The following HCN4 variants were observed in gnomAD, a reference collection of about 807,000 sequenced individuals.
The protein encoded by HCN4 is hyperpolarization activated cyclic nucleotide gated potassium channel 4.
A neutral mutation model predicts 76.9 loss-of-function variants in HCN4; 29 were observed. The ratio of observed to expected loss-of-function variants is 0.38; its 90% CI spans 0.28 to 0.51. The LOEUF is 0.51. Among genes scored for constraint, HCN4 ranks in the 20% least tolerant of loss-of-function variants. HCN4 has a pLI of 0.90. For synonymous variants in HCN4, 772 were observed against 762.5 expected (o/e 1.01, Z -0.21); for missense variants, 1,416 against 1,715.2 (o/e 0.83, Z 3.08).
At chr15:73,326,114 C>T (rs2042897772) in intron 4 of HCN4, among the ~76,000 whole-genome samples, 1 of 152,070 alleles carries the variant, frequency 6.6e-6, no homozygotes, top group Admixed American at 6.5e-5. Context: ...TCCTGCCCGC[C>T]CTCACTGAGA....
rs775316202 is a variant in HCN4 at position 73,332,236 on chromosome 15, G to A, written c.1266C>T (p.Ile422=). ...AGTGGCAGAGCAGGAGCATCATGCC[G>A]ATGAGGTTCACGATGCGCACCACGG... ...ASAVVRIVNL[I]GMMLLLCHWD... The change falls in exon 3 of 8, where the codon ATC becomes ATT. Residue 422 remains isoleucine (I), a synonymous_variant. Transcript: ENST00000261917. 6.2e-6 allele frequency: 10 copies of A among 1,614,134 alleles called. No homozygotes were observed. The highest frequency in any genetic ancestry group is 1.6e-4 in the Middle Eastern group (1 of 6,062).
At chr15:73,334,294 G>A (rs2042949421) in intron 2 of HCN4, among the ~76,000 whole-genome samples, 1 of 152,126 alleles carries the variant, frequency 6.6e-6, no homozygotes, top group African/African-American at 2.4e-5. Flanking sequence ...GGCTGGGCTG[G>A]GGCCTGGGTC....
Position 73,367,379 on chromosome 15 carries a change from T to A in HCN4, c.785+107A>T. The A allele has an allele frequency of 4.5e-6, 7 of 1,540,306 alleles. No homozygotes were observed. In the South Asian group the frequency reaches 6.1e-5, roughly 13 times the overall value. Reference sequence around the variant, plus strand: ...AGAGGCGCCCTGCCTCTCTTGGAGCTCCCAGCGCAAGGCAGGAAAGTTAAC... The same window carrying A: ...AGAGGCGCCCTGCCTCTCTTGGAGCACCCAGCGCAAGGCAGGAAAGTTAAC... On this transcript the variant is annotated intron_variant, in intron 1 of 7. Coordinates refer to ENST00000261917, the MANE Select transcript of HCN4 (RefSeq NM_005477.3). The surrounding 1 kb of genome is among the most constrained non-coding windows in gnomAD (Gnocchi z 7.5).
chr15:73,362,713 C>G (rs1397504904), intron 1 of HCN4, among the ~76,000 whole-genome samples: 1 of 152,162 alleles, frequency 6.6e-6, no homozygotes, highest in Non-Finnish European at 1.5e-5. Context: ...TGGAAACTCC[C>G]TATGTGAGGC....
chr15:73,346,765 G>A (rs1272408024), intron 1 of HCN4, among the ~76,000 whole-genome samples: 2 of 152,146 alleles, frequency 1.3e-5, no homozygotes, highest in East Asian at 1.9e-4. Flanking sequence ...GGGTGAGGCC[G>A]GGAAACTGCT....
intron 1 of HCN4, among the ~76,000 whole-genome samples, chr15:73,365,921 G>T (rs1020668231): frequency 1.4e-4 from 22 of 152,186 alleles, no homozygotes; most frequent in African/African-American, 5.1e-4. Context: ...ACCCATGGGG[G>T]TGGAGGAGAC....
intron 2 of HCN4, among the ~76,000 whole-genome samples, chr15:73,337,056 G>A (rs891107535): frequency 2.0e-5 from 3 of 152,156 alleles, no homozygotes; most frequent in African/African-American, 7.2e-5. Context: ...CTCAGTACTG[G>A]GCTTGCTCTT....
chr15:73,337,991 AC>A (rs1414479777), intron 2 of HCN4, among the ~76,000 whole-genome samples: 3 of 152,136 alleles, frequency 2.0e-5, no homozygotes, highest in Non-Finnish European at 4.4e-5. Context: ...GTTTTTAGAC[AC>A]CACAAAGCTG....
At chr15:73,354,329 G>A (rs1468730814) in intron 1 of HCN4, among the ~76,000 whole-genome samples, 1 of 152,204 alleles carries the variant, frequency 6.6e-6, no homozygotes. Flanking sequence ...CCCCAAGAAG[G>A]TGAGCTGTGT....
At chr15:73,344,371 T>C (rs1204965601) in intron 1 of HCN4, among the ~76,000 whole-genome samples, 1 of 152,164 alleles carries the variant, frequency 6.6e-6, no homozygotes. Flanking sequence ...CGGAAGGGCC[T>C]CCCTATTCTG....
chr15:73,352,420 G>A (rs891890896), intron 1 of HCN4, among the ~76,000 whole-genome samples: 12 of 152,200 alleles, frequency 7.9e-5, no homozygotes, highest in Admixed American at 2.6e-4. Context: ...GCCCTCGGCA[G>A]GTGGTCCCAC....
chr15:73,349,890 C>T (rs1166094001), intron 1 of HCN4, among the ~76,000 whole-genome samples: 4 of 152,324 alleles, frequency 2.6e-5, no homozygotes, highest in African/African-American at 4.8e-5. Context: ...CACAACCTCC[C>T]GTTCCACTCC....
rs531770157 is a variant in HCN4 at position 73,321,334 on chromosome 15, A to C, written c.*1147T>G. 2 of 152,302 alleles carry C rather than the reference A, an allele frequency of 1.3e-5. No homozygotes were observed. The highest frequency in any genetic ancestry group is 4.2e-4 in the South Asian group (2 of 4,814). The allele number at this position is 152,302 out of a possible 1,614,324, so 9.4% of individuals were successfully genotyped here. A position where few individuals can be genotyped will look rare whatever the true frequency, so the allele number is the denominator to read the frequency against. The stretch of plus-strand genomic sequence containing the variant: ...TGGAAGGAACACAGACTTGGGCCTC[A>C]AGGAGGCGTGGACTCGAACCTCAAA... On this transcript the variant is annotated 3_prime_UTR_variant, in exon 8 of 8. Transcript: ENST00000261917.
chr15:73,356,189 CTTTT>C (rs527385643), intron 1 of HCN4, among the ~76,000 whole-genome samples: 2 of 135,262 alleles, frequency 1.5e-5, no homozygotes, highest in African/African-American at 2.8e-5. Context: ...TTGTTTTTTG[CTTTT>C]TTTTTTTTTT....
chr15:73,351,891 A>G (rs2043056394), intron 1 of HCN4, among the ~76,000 whole-genome samples: 1 of 152,070 alleles, frequency 6.6e-6, no homozygotes, highest in Non-Finnish European at 1.5e-5. Flanking sequence ...GGTGTCCCCA[A>G]CGCATGGTGC....
At chr15:73,357,884 G>C (rs1202232328) in intron 1 of HCN4, among the ~76,000 whole-genome samples, 1 of 152,136 alleles carries the variant, frequency 6.6e-6, no homozygotes, top group Admixed American at 6.5e-5. Flanking sequence ...CTGGACCTCG[G>C]TGACAGAGCC....
chr15:73,350,190 T>C (rs2043048234), intron 1 of HCN4, among the ~76,000 whole-genome samples: 1 of 152,280 alleles, frequency 6.6e-6, no homozygotes, highest in South Asian at 2.1e-4. Flanking sequence ...AGAACCCTCC[T>C]ACATCCTCCC....
chr15:73,325,217 G>A lies in HCN4; in HGVS notation c.1738-22C>T, dbSNP rs1206147646. ...TCTCCTGCCGGACAGGGTGGATTGG[G>A]ACACGGGAAGGAGGTGGTGAGGGGA... On this transcript the variant is annotated intron_variant, in intron 5 of 7. Transcript: ENST00000261917. This position sits in a 1 kb window ranked among gnomAD's most constrained non-coding sequence, Gnocchi z 7.4. The A allele has an allele frequency of 2.5e-6, 4 of 1,613,948 alleles. No homozygotes were observed. Among genetic ancestry groups the A allele is most frequent in the Non-Finnish European group, 8.5e-7 (1 of 1,179,924 alleles).
intron 1 of HCN4, among the ~76,000 whole-genome samples, chr15:73,353,132 T>C (rs139346449): frequency 3.2e-4 from 49 of 152,314 alleles, no homozygotes; most frequent in African/African-American, 1.1e-3. Flanking sequence ...ATCATTAACA[T>C]TGATGATTTC....
Sources: gnomAD v4.1 joint callset for allele counts (sites outside exome capture counted in the v4.1 genomes callset) on GRCh38, gnomAD v4.1.1 for gene constraint, Gnocchi (gnomAD v3.1) non-coding constraint, MANE v1.5 for transcripts, NCBI Gene and HGNC (gene_info 2026-07-23, HGNC 2026-07-21) for gene names.